Variants in LAMA1 observed in about 807,000 individuals in gnomAD.
LAMA1 encodes the protein laminin subunit alpha 1.
LAMA1 carries 219 observed loss-of-function variants against 348.7 expected under a neutral mutation model. That is an observed-to-expected ratio of 0.63 (90% confidence interval 0.56 to 0.70). The LOEUF is 0.70. Ranked by LOEUF, LAMA1 falls within the 30% of genes least tolerant of loss-of-function variation. The pLI, the probability that LAMA1 is intolerant of heterozygous loss-of-function variation, is 0.00. For synonymous variants in LAMA1, 1,487 were observed against 1,491.0 expected (o/e 1.00, Z 0.06); for missense variants, 3,744 against 3,888.0 (o/e 0.96, Z 0.99).
chr18:7,080,241 G>T (rs750004621), intron 2 of LAMA1, 46 bp downstream of exon 2: 2 of 1,612,704 alleles, frequency 1.2e-6, no homozygotes, highest in Non-Finnish European at 1.7e-6. Context: ...ATTTCACAAA[G>T]TGTACATTCC....
In LAMA1 at chr18:7,036,081, G is replaced by T; in HGVS notation, c.1745C>A (p.Ala582Glu). 6.2e-7 allele frequency: 1 copy of T among 1,612,426 alleles called. No individual in the cohort carries two copies. Among genetic ancestry groups the T allele is most frequent in the Non-Finnish European group, 8.5e-7 (1 of 1,178,438 alleles). ...CGTGTATTTCAGGAATCCGCCAAAC[G>T]CAGTCAGCTGAAATGTTTAAGCGAG... ...PEAYLGNKLTAFGGFLKYTVS... is the reference protein window; with the variant it reads ...PEAYLGNKLTEFGGFLKYTVS... The change falls in exon 13 of 63, where the codon GCG (alanine) becomes GAG (glutamate). Residue 582 changes from alanine (A) to glutamate (E), a missense_variant. By Grantham distance (107) the Ala-to-Glu change is moderately radical (BLOSUM62 -1). Around this residue, in one of 3 missense-constraint regions of LAMA1, gnomAD observed 1,529 missense variants for 1,689.4 expected, o/e 0.91. Transcript: ENST00000389658.
At chr18:7,074,441 G>A (rs974862877) in intron 3 of LAMA1, among the ~76,000 whole-genome samples, 4 of 152,118 alleles carry the variant, frequency 2.6e-5, no homozygotes, top group Admixed American at 2.0e-4. Flanking sequence ...CCTGTAATTC[G>A]TGGAACCTAT....
chr18:7,020,994 G>A (rs1052037479), intron 19 of LAMA1, among the ~76,000 whole-genome samples: 3 of 152,244 alleles, frequency 2.0e-5, no homozygotes, highest in Non-Finnish European at 2.9e-5. Context: ...CCCTTCCGAC[G>A]TGGCTGCTTC....
At chr18:6,991,845 A>C (rs2057760293) in intron 36 of LAMA1, among the ~76,000 whole-genome samples, 1 of 152,264 alleles carries the variant, frequency 6.6e-6, no homozygotes, top group African/African-American at 2.4e-5. Context: ...TAAAATAGCA[A>C]AATATTAAAG....
In LAMA1 at chr18:6,980,643, TA is replaced by T; in HGVS notation, c.5891-7del. On this transcript the variant is annotated splice_polypyrimidine_tract_variant and splice_region_variant and intron_variant, in intron 41 of 62. Coordinates refer to ENST00000389658, the MANE Select transcript of LAMA1 (RefSeq NM_005559.4). The stretch of plus-strand genomic sequence containing the variant: ...ACTCAGTTCCAATGCAATACCTATT[TA>T]AAGGGAGAAAAATGTTTCCTTTCAG... 6.4e-7 allele frequency: 1 copy of T among 1,553,476 alleles called. No homozygotes were observed. Among genetic ancestry groups the T allele is most frequent in the South Asian group, 1.1e-5 (1 of 89,730 alleles).
intron 1 of LAMA1, among the ~76,000 whole-genome samples, chr18:7,093,052 G>T (rs1319131976): frequency 6.6e-6 from 1 of 152,164 alleles, no homozygotes; most frequent in Non-Finnish European, 1.5e-5. Context: ...AGAGAACTGG[G>T]TTTTCCATGC....
intron 1 of LAMA1, among the ~76,000 whole-genome samples, chr18:7,103,397 T>C (rs1237773890): frequency 2.0e-5 from 3 of 151,460 alleles, no homozygotes; most frequent in Admixed American, 1.3e-4. Context: ...AGAGCGAGAC[T>C]CCATCTCAAA....
chr18:6,992,601 C>T lies in LAMA1; in HGVS notation c.5128G>A (p.Asp1710Asn). 6.2e-7 allele frequency: 1 copy of T among 1,614,166 alleles called. No individual in the cohort carries two copies. Among genetic ancestry groups the T allele is most frequent in the East Asian group, 2.2e-5 (1 of 44,872 alleles). ...GCATTTTGGTGCAACTGTGTGAAGT[C>T]TCTTATCTGCATGATTTCTAGCAAA... ...TSLLEIMQIR[D>N]FTQLHQNATL... Residue 1710 changes from aspartate (D) to asparagine (N), a missense_variant, in exon 36 of 63, where the codon GAC (aspartate) becomes AAC (asparagine). Physicochemically the swap from Asp to Asn is conservative, Grantham distance 23. Transcript: ENST00000389658.
At chr18:7,108,511 A>C (rs1032402852) in intron 1 of LAMA1, among the ~76,000 whole-genome samples, 1 of 151,210 alleles carries the variant, frequency 6.6e-6, no homozygotes, top group African/African-American at 2.4e-5. Context: ...AAATACAAAA[A>C]TTAGCTGGGT....
At chr18:7,038,640 A>G (rs1458617990) in intron 11 of LAMA1, 170 bp downstream of exon 11, 2 of 847,022 alleles carry the variant, frequency 2.4e-6, no homozygotes, top group East Asian at 4.8e-5. Flanking sequence ...CATGACCTAT[A>G]AAGAATCTTG....
chr18:6,961,626 CCGCCGAGGGCAG>C lies in LAMA1; in HGVS notation c.7574_7585del (p.Ala2525_Gly2528del). On this transcript the variant is annotated inframe_deletion, in exon 53 of 63. Coordinates refer to ENST00000389658, the MANE Select transcript of LAMA1 (RefSeq NM_005559.4). The stretch of plus-strand genomic sequence containing the variant: ...ACGATCACCCCGCTTCTCCACATCC[CCGCCGAGGGCAG>C]CCAGGATGATGCCACTGCTGTTCGT... 1 of 1,614,082 alleles carries C rather than the reference CCGCCGAGGGCAG, an allele frequency of 6.2e-7. No individual in the cohort carries two copies. Among genetic ancestry groups the C allele is most frequent in the Non-Finnish European group, 8.5e-7 (1 of 1,180,038 alleles).
chr18:7,034,302 T>TA (rs1453592212), intron 14 of LAMA1, among the ~76,000 whole-genome samples, 177 bp downstream of exon 14: 2 of 152,236 alleles, frequency 1.3e-5, no homozygotes, highest in Non-Finnish European at 2.9e-5. Flanking sequence ...TAACTGTTCT[T>TA]ACGTTTTCAA....
intron 58 of LAMA1, 103 bp downstream of exon 58, chr18:6,950,679 T>C: frequency 1.5e-6 from 2 of 1,299,064 alleles, no homozygotes; most frequent in South Asian, 1.2e-5. Flanking sequence ...CACGGCGAGA[T>C]AGAGATTAAT....
intron 3 of LAMA1, among the ~76,000 whole-genome samples, chr18:7,066,215 C>A (rs750546167): frequency 1.3e-5 from 2 of 152,200 alleles, no homozygotes; most frequent in African/African-American, 4.8e-5. Flanking sequence ...GATGTATTCT[C>A]TACATCCCAG....
At chr18:7,116,586 AC>A (rs1432732275) in intron 1 of LAMA1, among the ~76,000 whole-genome samples, 1 of 151,904 alleles carries the variant, frequency 6.6e-6, no homozygotes, top group African/African-American at 2.4e-5. Context: ...TCCGCCCACT[AC>A]TTTTGACTCG....
intron 1 of LAMA1, among the ~76,000 whole-genome samples, chr18:7,084,826 T>C (rs748035699): frequency 1.1e-4 from 17 of 152,202 alleles, no homozygotes; most frequent in Non-Finnish European, 8.8e-5. Flanking sequence ...CCAGATAGTT[T>C]ATAATTCATT....
chr18:7,014,051 C>A lies in LAMA1; in HGVS notation c.3127G>T (p.Ala1043Ser), dbSNP rs1568031134. 25 of 1,612,554 alleles carry A rather than the reference C, an allele frequency of 1.6e-5. No homozygotes were observed. The highest frequency in any genetic ancestry group is 2.1e-5 in the Non-Finnish European group (25 of 1,178,820). The stretch of plus-strand genomic sequence containing the variant: ...GACCCCACGAGACTGCAATTGCAGG[C>A]CTGAGAGAAGGGAAAACCAACTCAA... ...WGYDAEVGCQ[A>S]CNCSLVGSTH... Residue 1043 changes from alanine (A) to serine (S), a missense_variant and splice_region_variant, in exon 23 of 63, where the codon GCC (alanine) becomes TCC (serine). Physicochemically the swap from Ala to Ser is moderately conservative, Grantham distance 99. This residue lies in a region of LAMA1 where 1,529 missense variants were observed against 1,689.4 expected (regional missense o/e 0.91). Transcript: ENST00000389658.
intron 28 of LAMA1, 70 bp downstream of exon 28, chr18:7,008,418 C>T: frequency 6.3e-7 from 1 of 1,578,928 alleles, no homozygotes; most frequent in Non-Finnish European, 8.7e-7. Context: ...CTGTTCATCT[C>T]TGGGAGTTGC....
intron 46 of LAMA1, 64 bp downstream of exon 46, chr18:6,974,839 A>G (rs1361900446): frequency 6.9e-6 from 11 of 1,586,142 alleles, no homozygotes; most frequent in South Asian, 1.1e-5. Context: ...TGTTACAAGC[A>G]TGTAATTACT....
Sources: gnomAD v4.1 joint callset for allele counts (sites outside exome capture counted in the v4.1 genomes callset) on GRCh38, gnomAD v4.1.1 for gene constraint, gnomAD v4.1.1 regional missense constraint, MANE v1.5 for transcripts, NCBI Gene and HGNC (gene_info 2026-07-23, HGNC 2026-07-21) for gene names.